The following RIMS2 variants were observed in gnomAD, a reference collection of about 807,000 sequenced individuals.
RIMS2 encodes regulating synaptic membrane exocytosis protein 2.
Under a neutral mutation model 174.4 loss-of-function variants are expected in RIMS2, and 59 were observed. The ratio of observed to expected loss-of-function variants is 0.34; its 90% CI spans 0.27 to 0.42. The LOEUF (loss-of-function observed/expected upper bound fraction) is 0.42, where lower values mean the gene tolerates loss of function less well. RIMS2 is among the 10% of genes least tolerant of loss of function. RIMS2 has a pLI of 1.00. For missense variants in RIMS2, 1,620 were observed against 1,666.3 expected (o/e 0.97, Z 0.48); for synonymous variants, 606 against 572.5 (o/e 1.06, Z -0.84).
intron 19 of RIMS2, among the ~76,000 whole-genome samples, chr8:104,041,785 C>A (rs1051720875): frequency 2.0e-5 from 3 of 151,480 alleles, no homozygotes; most frequent in Non-Finnish European, 3.0e-5. Flanking sequence ...GTGGAGAATA[C>A]CAAAGACCTA....
At chr8:104,191,777 A>T (rs2441900) in intron 19 of RIMS2, among the ~76,000 whole-genome samples, 44,178 of 151,892 alleles carry the variant, frequency 0.29, 6,772 homozygotes, top group African/African-American at 0.34. Flanking sequence ...TATTATTACT[A>T]TATTAATTTT....
At chr8:104,040,803 T>C (rs2096595691) in intron 19 of RIMS2, among the ~76,000 whole-genome samples, 1 of 151,736 alleles carries the variant, frequency 6.6e-6, no homozygotes, top group African/African-American at 2.4e-5. Context: ...TGATGACCAT[T>C]CTTTGTTTTT....
chr8:104,203,737 C>T (rs1345011745), intron 19 of RIMS2, among the ~76,000 whole-genome samples: 1 of 152,100 alleles, frequency 6.6e-6, no homozygotes, highest in African/African-American at 2.4e-5. Context: ...CTACTGACCT[C>T]AAGTGATCTA....
intron 6 of RIMS2, among the ~76,000 whole-genome samples, chr8:103,912,507 A>C (rs1302564096): frequency 6.6e-6 from 1 of 152,088 alleles, no homozygotes; most frequent in Non-Finnish European, 1.5e-5. Context: ...TATTTTATTA[A>C]AGTGATAGTT....
rs1244089914 is a variant in RIMS2, at chr8:103,783,602, A to AT, written c.698+17071dup. Among the ~76,000 whole-genome samples the AT allele has an allele frequency of 4.0e-5, 6 of 151,774 alleles. No homozygotes were observed. In the East Asian group the frequency reaches 1.2e-3, roughly 29 times the overall value. Reference sequence around the variant, plus strand: ...TCCCTACAAAGGACATGAACTCATCATTTTTTATGGCTGCATAGTATTCCA... The same window carrying AT: ...TCCCTACAAAGGACATGAACTCATCATTTTTTTATGGCTGCATAGTATTCCA... On this transcript the variant is annotated intron_variant, in intron 3 of 23. Transcript: ENST00000504942.
intron 1 of RIMS2, among the ~76,000 whole-genome samples, chr8:103,686,134 T>C (rs1308222040): frequency 1.3e-5 from 2 of 152,174 alleles, no homozygotes; most frequent in African/African-American, 4.8e-5. Context: ...CAATTGTTCA[T>C]TGCTACTAAA....
intron 4 of RIMS2, among the ~76,000 whole-genome samples, chr8:103,890,522 G>A (rs967030513): frequency 5.4e-4 from 82 of 152,038 alleles, no homozygotes; most frequent in African/African-American, 1.9e-3. Context: ...GAGGAAAGAA[G>A]CATTAGTTGT....
At chr8:103,579,223 ACT>A (rs34205035) in intron 1 of RIMS2, among the ~76,000 whole-genome samples, 28,371 of 149,112 alleles carry the variant, frequency 0.19, 2,893 homozygotes, top group Middle Eastern at 0.31. Context: ...GCATAGCAAT[ACT>A]CTCTCTCTCT....
intron 1 of RIMS2, among the ~76,000 whole-genome samples, chr8:103,588,431 A>T (rs188752258): frequency 2.0e-5 from 3 of 151,988 alleles, no homozygotes; most frequent in African/African-American, 7.2e-5. Context: ...ATGGAACCAT[A>T]AAAGACCCAG....
chr8:103,774,809 G>A (rs1461220138), intron 3 of RIMS2, among the ~76,000 whole-genome samples: 1 of 152,100 alleles, frequency 6.6e-6, no homozygotes, highest in Non-Finnish European at 1.5e-5. Flanking sequence ...ATCTTCATAG[G>A]GGTATGGATT....
chr8:103,632,834 C>T (rs1339634677), intron 1 of RIMS2, among the ~76,000 whole-genome samples: 4 of 130,732 alleles, frequency 3.1e-5, no homozygotes, highest in South Asian at 2.6e-4. Flanking sequence ...CCTGGGTTCA[C>T]GCCATTCTCC....
intron 19 of RIMS2, among the ~76,000 whole-genome samples, chr8:104,151,250 A>G (rs1343917673): frequency 6.6e-6 from 1 of 152,178 alleles, no homozygotes; most frequent in Admixed American, 6.5e-5. Flanking sequence ...AGTGGATGGT[A>G]GTGCCATTAA....
chr8:103,529,489 G>A (rs1835911610), intron 1 of RIMS2, among the ~76,000 whole-genome samples: 1 of 152,238 alleles, frequency 6.6e-6, no homozygotes, highest in South Asian at 2.1e-4. Flanking sequence ...TGCAGTATTA[G>A]TGTGGGAGTG....
chr8:104,065,162 C>T (rs1235521438), intron 19 of RIMS2, among the ~76,000 whole-genome samples: 1 of 151,798 alleles, frequency 6.6e-6, no homozygotes, highest in East Asian at 1.9e-4. Context: ...TTTTTGAGGG[C>T]CTTGTATATA....
chr8:103,559,507 GC>G, intron 1 of RIMS2: 1 of 260,606 alleles, frequency 3.8e-6, no homozygotes, highest in Non-Finnish European at 7.3e-6. Context: ...TGAGAAGGGA[GC>G]AGGACTGAGA....
intron 1 of RIMS2, among the ~76,000 whole-genome samples, chr8:103,532,130 G>C (rs902105241): frequency 6.6e-6 from 1 of 152,186 alleles, no homozygotes; most frequent in Non-Finnish European, 1.5e-5. Context: ...TATGTTCCCA[G>C]TTAGATCATC....
At chr8:104,146,801 G>A (rs1460608055) in intron 19 of RIMS2, among the ~76,000 whole-genome samples, 2 of 152,104 alleles carry the variant, frequency 1.3e-5, no homozygotes, top group Admixed American at 1.3e-4. Context: ...CTCGGGCTCA[G>A]GTGATCCTCC....
chr8:104,094,162 A>G (rs2097712646), intron 19 of RIMS2, among the ~76,000 whole-genome samples: 1 of 151,968 alleles, frequency 6.6e-6, no homozygotes, highest in Non-Finnish European at 1.5e-5. Flanking sequence ...TATAGATTTT[A>G]TAGATGCCTA....
chr8:104,174,684 C>A (rs1029774735), intron 19 of RIMS2, among the ~76,000 whole-genome samples: 1 of 151,930 alleles, frequency 6.6e-6, no homozygotes, highest in Non-Finnish European at 1.5e-5. Context: ...TATGAGGAAA[C>A]TAAAGAAGCA....
Sources: allele counts gnomAD v4.1 joint callset (sites outside exome capture counted in the v4.1 genomes callset), GRCh38; gene constraint gnomAD v4.1.1; transcripts MANE v1.5; gene names NCBI Gene and HGNC (gene_info 2026-07-23, HGNC 2026-07-21).